Variants in NCKAP1 observed in about 807,000 individuals in gnomAD.
NCKAP1 encodes nck-associated protein 1.
NCKAP1 carries 21 observed loss-of-function variants against 151.2 expected under a neutral mutation model. That is an observed-to-expected ratio of 0.14 (90% confidence interval 0.10 to 0.20). The LOEUF is 0.20. Ranked by LOEUF, NCKAP1 falls within the 10% of genes least tolerant of loss-of-function variation. The probability of loss-of-function intolerance (pLI) is 1.00; values close to 1 mark genes in which losing one functional copy is unlikely to be tolerated. For synonymous variants in NCKAP1, 484 were observed against 451.8 expected, an observed-to-expected ratio of 1.07 and a Z score of -0.90; for missense variants, 933 against 1,352.1, an observed-to-expected ratio of 0.69 and a Z score of 4.86.
chr2:182,960,963 A>G (rs565079561), intron 18 of NCKAP1, among the ~76,000 whole-genome samples: 1 of 152,366 alleles, frequency 6.6e-6, no homozygotes, highest in African/African-American at 2.4e-5. Flanking sequence ...TTATGCAGCC[A>G]AAAGACACAT....
At chr2:183,009,876 G>A (rs753101511) in intron 2 of NCKAP1, among the ~76,000 whole-genome samples, 1 of 152,170 alleles carries the variant, frequency 6.6e-6, no homozygotes, top group Non-Finnish European at 1.5e-5. Context: ...CAACATTCAA[G>A]TTGCTATACA....
chr2:183,027,821 T>C (rs969398088), intron 1 of NCKAP1, among the ~76,000 whole-genome samples: 5 of 152,188 alleles, frequency 3.3e-5, no homozygotes, highest in African/African-American at 1.2e-4. Flanking sequence ...AACTTTCATT[T>C]TGAGGATAAG....
intron 8 of NCKAP1, among the ~76,000 whole-genome samples, chr2:182,992,528 C>T (rs186439012): frequency 3.3e-5 from 5 of 152,180 alleles, no homozygotes; most frequent in Non-Finnish European, 7.3e-5. Flanking sequence ...TTCATCTGTA[C>T]ATCCATAAGC....
At chr2:183,010,801 A>G (rs759931599) in intron 2 of NCKAP1, among the ~76,000 whole-genome samples, 3 of 152,212 alleles carry the variant, frequency 2.0e-5, no homozygotes, top group Non-Finnish European at 4.4e-5. Flanking sequence ...TGCATTAATG[A>G]TAACACAATT....
intron 16 of NCKAP1, 117 bp from the exon 17 acceptor site, chr2:182,964,925 G>A: frequency 1.5e-6 from 1 of 681,852 alleles, no homozygotes; most frequent in Non-Finnish European, 2.2e-6. Flanking sequence ...ACTGATTTAA[G>A]AAGAGAATAT....
rs764749114 is a variant in NCKAP1 at position 183,018,835 on chromosome 2, T to C, written c.219+4971A>G. Reference sequence around the variant, plus strand: ...TTAGTGCCTCTTATGTGTCAGGCACTAGGGATAAAACATTTTTAAAAGGCT... The same window carrying C: ...TTAGTGCCTCTTATGTGTCAGGCACCAGGGATAAAACATTTTTAAAAGGCT... On this transcript the variant is annotated intron_variant, in intron 2 of 30. Transcript: ENST00000361354. Among the ~76,000 whole-genome samples, 46 of 152,336 alleles carry C rather than the reference T, an allele frequency of 3.0e-4. 1 individual carries two copies. Among genetic ancestry groups the C allele is most frequent in the African/African-American group, 1.0e-3 (43 of 41,582 alleles).
At chr2:183,027,888 ATATC>A (rs762164611) in intron 1 of NCKAP1, among the ~76,000 whole-genome samples, 1 of 152,198 alleles carries the variant, frequency 6.6e-6, no homozygotes, top group Non-Finnish European at 1.5e-5. Flanking sequence ...TTGAAATCAT[ATATC>A]TTTCTATTAC....
intron 2 of NCKAP1, among the ~76,000 whole-genome samples, chr2:183,023,146 TATAAAAA>T (rs1262649608): frequency 6.6e-6 from 1 of 152,120 alleles, no homozygotes; most frequent in Non-Finnish European, 1.5e-5. Context: ...TCAAAATTTA[TATAAAAA>T]TGCCACACTG....
intron 17 of NCKAP1, among the ~76,000 whole-genome samples, chr2:182,963,991 T>A (rs939947031): frequency 1.2e-4 from 18 of 152,170 alleles, no homozygotes; most frequent in African/African-American, 4.3e-4. Context: ...CTAAGTTTCT[T>A]TTCTACAAGT....
chr2:182,935,282 T>A lies in NCKAP1; in HGVS notation c.2778+11A>T, dbSNP rs967595437. ...TTGGATACCGAGTATATACTTGTAATGGTTTCTTACATCTCTAAGTGCTTC... is the reference window on the plus strand; with the variant it reads ...TTGGATACCGAGTATATACTTGTAAAGGTTTCTTACATCTCTAAGTGCTTC... On this transcript the variant is annotated intron_variant, in intron 25 of 30. Coordinates refer to ENST00000361354, the MANE Select transcript of NCKAP1 (RefSeq NM_013436.5). 9 of 1,537,740 alleles carry A rather than the reference T, an allele frequency of 5.9e-6. No homozygotes were observed. Among genetic ancestry groups the A allele is most frequent in the Non-Finnish European group, 8.0e-6 (9 of 1,131,774 alleles).
At chr2:182,977,579 C>T (rs1697851874) in intron 14 of NCKAP1, among the ~76,000 whole-genome samples, 1 of 152,144 alleles carries the variant, frequency 6.6e-6, no homozygotes, top group African/African-American at 2.4e-5. Context: ...AACTTGAGGA[C>T]ATTAAGCCTA....
At position 182,952,888 on chromosome 2, in the gene NCKAP1, C is replaced by T. The variant is rs1697242162; in HGVS notation, c.2408G>A (p.Gly803Asp). ...CATTGCAGGAAAATATGCTATATGGCCATTGCTGACTTGTCGTAACAAAGT... is the reference window on the plus strand; with the variant it reads ...CATTGCAGGAAAATATGCTATATGGTCATTGCTGACTTGTCGTAACAAAGT... ...LETLLRQVSN[G>D]HIAYFPAMKA... Residue 803 changes from glycine (G) to aspartate (D), a missense_variant, in exon 22 of 31, where the codon GGC (glycine) becomes GAC (aspartate). Physicochemically the swap from Gly to Asp is moderately conservative, Grantham distance 94. Coordinates refer to ENST00000361354, the MANE Select transcript of NCKAP1 (RefSeq NM_013436.5). The T allele has an allele frequency of 6.2e-7, 1 of 1,611,464 alleles. No individual in the cohort carries two copies. The highest frequency in any genetic ancestry group is 8.5e-7 in the Non-Finnish European group (1 of 1,179,154).
At position 182,983,802 on chromosome 2, in the gene NCKAP1, T is replaced by G. The variant is rs969514187; in HGVS notation, c.1005-420A>C. Among the ~76,000 whole-genome samples the G allele has an allele frequency of 1.6e-4, 24 of 152,206 alleles. No individual in the cohort carries two copies. The East Asian group carries it at 4.2e-3, about 27-fold the overall frequency. ...AATCCCAGCACTTTGGGAGACCAAC[T>G]TGGGCAGACTGCGTGAGCTCAGGAG... On this transcript the variant is annotated intron_variant, in intron 10 of 30. Coordinates refer to ENST00000361354, the MANE Select transcript of NCKAP1 (RefSeq NM_013436.5).
In NCKAP1 at chr2:182,925,753, C is replaced by A; in HGVS notation, c.3336G>T (p.Leu1112=). ...LLESCFPYVL[L]RNAYHAVYKQ... ...TGTAGACAGCATGGTATGCATTTCT[C>A]AGCAAGACATAAGGAAAACAAGATT... Residue 1112 remains leucine, a synonymous_variant, in exon 31 of 31, where the codon CTG becomes CTT. Transcript: ENST00000361354. The A allele has an allele frequency of 6.3e-7, 1 of 1,592,078 alleles. No homozygotes were observed. The highest frequency in any genetic ancestry group is 1.1e-5 in the South Asian group (1 of 87,398).
intron 15 of NCKAP1, among the ~76,000 whole-genome samples, chr2:182,971,428 T>A (rs1697689784): frequency 6.6e-6 from 1 of 151,000 alleles, no homozygotes; most frequent in Non-Finnish European, 1.5e-5. Context: ...ATATCTCATG[T>A]TCATGAATTG....
At chr2:183,016,642 C>G (rs1254043933) in intron 2 of NCKAP1, among the ~76,000 whole-genome samples, 5 of 152,138 alleles carry the variant, frequency 3.3e-5, no homozygotes, top group Admixed American at 1.3e-4. Context: ...TAAGGTGATT[C>G]CTTCTAAACC....
intron 23 of NCKAP1, among the ~76,000 whole-genome samples, chr2:182,950,659 T>C (rs1396501055): frequency 1.3e-5 from 2 of 151,970 alleles, no homozygotes; most frequent in Non-Finnish European, 2.9e-5. Context: ...AAAATAACAA[T>C]GAGAGGATAA....
At chr2:182,958,865 G>C (rs1697379838) in intron 18 of NCKAP1, among the ~76,000 whole-genome samples, 1 of 152,182 alleles carries the variant, frequency 6.6e-6, no homozygotes, top group Admixed American at 6.5e-5. Flanking sequence ...AATGTGCCCA[G>C]TCCAAATTCA....
Position 182,925,744 on chromosome 2 carries a change from T to C in NCKAP1, c.3345A>G (p.Ala1115=), listed in dbSNP as rs769593811. ...CACTTTGTTTGTAGACAGCATGGTATGCATTTCTCAGCAAGACATAAGGAA... is the reference window on the plus strand; with the variant it reads ...CACTTTGTTTGTAGACAGCATGGTACGCATTTCTCAGCAAGACATAAGGAA... The part of the protein sequence containing the change: ...SCFPYVLLRN[A]YHAVYKQSVT... The change falls in exon 31 of 31, where the codon GCA becomes GCG. Residue 1115 remains alanine, a synonymous_variant. Transcript: ENST00000361354. 9.4e-6 allele frequency: 15 copies of C among 1,591,164 alleles called. No homozygotes were observed. Among genetic ancestry groups the C allele is most frequent in the Admixed American group, 3.6e-5 (2 of 56,312 alleles).
Sources: gnomAD v4.1 joint callset for allele counts (sites outside exome capture counted in the v4.1 genomes callset) on GRCh38, gnomAD v4.1.1 for gene constraint, MANE v1.5 for transcripts, NCBI Gene and HGNC (gene_info 2026-07-23, HGNC 2026-07-21) for gene names.